EBF1: variants seen among roughly 807,000 people sequenced by gnomAD.
EBF1 encodes the protein EBF transcription factor 1.
A neutral mutation model predicts 68.4 loss-of-function variants in EBF1; 10 were observed. The observed-to-expected ratio is 0.15, with a 90% CI of 0.09 to 0.25. The LOEUF (loss-of-function observed/expected upper bound fraction) is 0.25. Ranked by LOEUF, EBF1 falls within the 10% of genes least tolerant of loss-of-function variation. EBF1 has a pLI of 1.00. For missense variants in EBF1, 509 were observed against 794.4 expected, an observed-to-expected ratio of 0.64 and a Z score of 4.32; for synonymous variants, 298 against 299.8, an observed-to-expected ratio of 0.99 and a Z score of 0.06.
intron 9 of EBF1, among the ~76,000 whole-genome samples, chr5:158,792,509 A>G (rs557268511): frequency 6.8e-4 from 104 of 152,208 alleles, no homozygotes; most frequent in Admixed American, 8.5e-4. Context: ...TTCTTTAGCT[A>G]AAAAAAGACT....
At chr5:158,820,609 A>G (rs1784633710) in intron 8 of EBF1, among the ~76,000 whole-genome samples, 1 of 152,060 alleles carries the variant, frequency 6.6e-6, no homozygotes, top group Non-Finnish European at 1.5e-5. Context: ...GAAGTGAAAT[A>G]AGGCTTCGGT....
chr5:158,705,244 G>A (rs1561680936), intron 15 of EBF1, among the ~76,000 whole-genome samples: 3 of 152,208 alleles, frequency 2.0e-5, no homozygotes, highest in Non-Finnish European at 4.4e-5. Flanking sequence ...GCCTCCCAAA[G>A]TGCTGAGACT....
At chr5:158,829,105 G>T (rs1786878693) in intron 7 of EBF1, among the ~76,000 whole-genome samples, 1 of 152,192 alleles carries the variant, frequency 6.6e-6, no homozygotes, top group Non-Finnish European at 1.5e-5. Context: ...ATACTGTAAT[G>T]ATGTATATGT....
chr5:158,900,317 A>C (rs1803027081), intron 6 of EBF1, among the ~76,000 whole-genome samples: 1 of 152,172 alleles, frequency 6.6e-6, no homozygotes. Context: ...GGTGCAAAAC[A>C]AATTATACTG....
At chr5:158,789,397 T>C (rs1269636891) in intron 9 of EBF1, among the ~76,000 whole-genome samples, 2 of 152,228 alleles carry the variant, frequency 1.3e-5, no homozygotes, top group Non-Finnish European at 2.9e-5. Flanking sequence ...GTCTTAATTT[T>C]CTTTTTTATT....
intron 6 of EBF1, among the ~76,000 whole-genome samples, chr5:159,033,577 G>C (rs772288905): frequency 2.0e-5 from 3 of 152,170 alleles, no homozygotes; most frequent in Non-Finnish European, 2.9e-5. Context: ...GACAGTGAGA[G>C]CTCATGGCAA....
At chr5:158,960,884 A>G (rs4244425) in intron 6 of EBF1, among the ~76,000 whole-genome samples, 57,319 of 152,114 alleles carry the variant, frequency 0.38, 11,102 homozygotes, top group South Asian at 0.6. Context: ...CTGTGAACGA[A>G]CTACCTTGGA....
At chr5:158,858,306 A>G (rs1794403152) in intron 6 of EBF1, among the ~76,000 whole-genome samples, 1 of 152,036 alleles carries the variant, frequency 6.6e-6, no homozygotes, top group Non-Finnish European at 1.5e-5. Context: ...AGAACAGCAG[A>G]CCCGCCTGAC....
intron 6 of EBF1, among the ~76,000 whole-genome samples, chr5:158,919,830 T>G (rs1043682157): frequency 6.6e-6 from 1 of 152,162 alleles, no homozygotes; most frequent in Admixed American, 6.5e-5. Flanking sequence ...AATTTACAGA[T>G]AGGAATCTGA....
rs573493635 is a variant in EBF1 at position 158,938,685 on chromosome 5, G to A, written c.555-98575C>T. Among the ~76,000 whole-genome samples, 32 of 152,260 alleles carry A rather than the reference G, an allele frequency of 2.1e-4. No individual in the cohort carries two copies. In the East Asian group the frequency reaches 2.5e-3, roughly 12 times the overall value. The stretch of plus-strand genomic sequence containing the variant: ...TGGCACAAAGAACGAGAGAGAGAGC[G>A]CTCTCCTCTCTTTTCCTCTTCTTAT... On this transcript the variant is annotated intron_variant, in intron 6 of 15. Coordinates refer to ENST00000313708, the MANE Select transcript of EBF1 (RefSeq NM_024007.5).
intron 6 of EBF1, among the ~76,000 whole-genome samples, chr5:158,963,843 C>A (rs927956618): frequency 6.6e-6 from 1 of 152,308 alleles, no homozygotes; most frequent in African/African-American, 2.4e-5. Context: ...CTTCCTCCCA[C>A]ATTTATTGAT....
rs1171208966 is a variant in EBF1 at position 158,883,930 on chromosome 5, G to GCACAA, written c.555-43821_555-43820insTTGTG. ...AGAAACTAACAAACCTCCCAGCACA[G>GCACAA]CAAAAAGTTAGGAAGCACATAGCAA... is the stretch of plus-strand genomic sequence containing the variant. On this transcript the variant is annotated intron_variant, in intron 6 of 15. Transcript: ENST00000313708. 2.6e-5 allele frequency among the ~76,000 whole-genome samples: 4 copies of GCACAA among 152,268 alleles called. No individual in the cohort carries two copies. In the East Asian group the frequency reaches 7.7e-4, roughly 29 times the overall value.
At chr5:159,008,161 A>G (rs138679607) in intron 6 of EBF1, among the ~76,000 whole-genome samples, 2 of 152,238 alleles carry the variant, frequency 1.3e-5, no homozygotes, top group Non-Finnish European at 2.9e-5. Context: ...TGGTACCAAA[A>G]AAAAGTAAAA....
chr5:159,040,179 G>T (rs1456765814), intron 6 of EBF1, among the ~76,000 whole-genome samples: 1 of 152,100 alleles, frequency 6.6e-6, no homozygotes, highest in Non-Finnish European at 1.5e-5. Flanking sequence ...TAAACCTAAG[G>T]AAAGTGCCGC....
chr5:158,932,594 T>C (rs1314997529), intron 6 of EBF1, among the ~76,000 whole-genome samples: 2 of 152,202 alleles, frequency 1.3e-5, no homozygotes, highest in African/African-American at 4.8e-5. Flanking sequence ...TAATATGTCT[T>C]TTTTAGAATA....
intron 6 of EBF1, among the ~76,000 whole-genome samples, chr5:159,057,259 ATCATACCAAGC>A (rs897669412): frequency 3.3e-5 from 5 of 151,904 alleles, no homozygotes; most frequent in Admixed American, 3.3e-4. Context: ...GGCATGTGCC[ATCATACCAAGC>A]TCATTTTTGT....
At chr5:158,935,261 T>C (rs1395788914) in intron 6 of EBF1, among the ~76,000 whole-genome samples, 1 of 152,086 alleles carries the variant, frequency 6.6e-6, no homozygotes, top group African/African-American at 2.4e-5. Context: ...CAGCAGCCAG[T>C]CAGAGGCTGT....
intron 10 of EBF1, among the ~76,000 whole-genome samples, chr5:158,759,822 C>T (rs976863939): frequency 6.6e-6 from 1 of 152,070 alleles, no homozygotes; most frequent in Non-Finnish European, 1.5e-5. Flanking sequence ...GGGGCAAGAA[C>T]CTCACCTTTC....
chr5:158,989,299 A>G (rs942932404), intron 6 of EBF1, among the ~76,000 whole-genome samples: 1 of 152,212 alleles, frequency 6.6e-6, no homozygotes, highest in Non-Finnish European at 1.5e-5. Flanking sequence ...AGCTGTGCTT[A>G]GTTTTTAACA....
Sources: allele counts gnomAD v4.1 joint callset (sites outside exome capture counted in the v4.1 genomes callset), GRCh38; gene constraint gnomAD v4.1.1; transcripts MANE v1.5; gene names NCBI Gene and HGNC (gene_info 2026-07-23, HGNC 2026-07-21).